RARB: variants seen among roughly 807,000 people sequenced by gnomAD.
RARB encodes the protein HBV-activated protein.
A neutral mutation model predicts 51.9 loss-of-function variants in RARB; 17 were observed. The ratio of observed to expected loss-of-function variants is 0.33; its 90% CI spans 0.22 to 0.49. The LOEUF is 0.49. Ranked by LOEUF, RARB falls within the 20% of genes least tolerant of loss-of-function variation. RARB has a pLI of 0.99. For missense variants in RARB, 369 were observed against 550.8 expected, an observed-to-expected ratio of 0.67 and a Z score of 3.30; for synonymous variants, 215 against 195.4, an observed-to-expected ratio of 1.10 and a Z score of -0.84.
intron 2 of RARB, among the ~76,000 whole-genome samples, chr3:24,930,838 G>T (rs1338909810): frequency 6.6e-6 from 1 of 152,006 alleles, no homozygotes; most frequent in Non-Finnish European, 1.5e-5. Context: ...GTGAGATGGT[G>T]TCTCCCCACA....
At chr3:25,161,837 A>C (rs570427390) in intron 4 of RARB, among the ~76,000 whole-genome samples, 1 of 152,316 alleles carries the variant, frequency 6.6e-6, no homozygotes, top group South Asian at 2.1e-4. Flanking sequence ...GGCCCATGGA[A>C]TGTATGCATG....
intron 2 of RARB, among the ~76,000 whole-genome samples, chr3:25,468,487 G>C (rs1695544155): frequency 6.7e-6 from 1 of 149,858 alleles, no homozygotes; most frequent in African/African-American, 2.5e-5. Context: ...GGTCCGAGTA[G>C]TTAAGGAACG....
At chr3:25,088,186 A>G (rs894224181) in intron 3 of RARB, among the ~76,000 whole-genome samples, 1 of 152,064 alleles carries the variant, frequency 6.6e-6, no homozygotes, top group African/African-American at 2.4e-5. Flanking sequence ...ATGAAGGAAG[A>G]GCTTCATTTG....
intron 5 of RARB, among the ~76,000 whole-genome samples, chr3:25,215,138 A>G (rs1469720313): frequency 1.3e-5 from 2 of 152,190 alleles, no homozygotes; most frequent in African/African-American, 4.8e-5. Context: ...CCTGGGGCCC[A>G]AGTGTCAGTA....
chr3:24,959,452 T>C (rs1390562867), intron 2 of RARB, among the ~76,000 whole-genome samples: 3 of 152,142 alleles, frequency 2.0e-5, no homozygotes, highest in Non-Finnish European at 4.4e-5. Context: ...GCTGCTTCTC[T>C]TCTCCCCTTC....
In RARB at chr3:25,038,183, G is replaced by C. The variant is rs371882388; in HGVS notation, c.-379-21942G>C. On this transcript the variant is annotated intron_variant, in intron 2 of 11. Coordinates refer to the RARB transcript ENST00000383772. ...AGTCATATTACATCTCTGGGCCTCA[G>C]TTTCCCCATTTTTGTGATGAAGGAA... is the stretch of plus-strand genomic sequence containing the variant. 1.4e-4 allele frequency among the ~76,000 whole-genome samples: 22 copies of C among 152,252 alleles called. No homozygotes were observed. The South Asian group carries it at 4.3e-3, about 30-fold the overall frequency.
intron 2 of RARB, among the ~76,000 whole-genome samples, chr3:25,478,055 G>T (rs181993455): frequency 3.3e-4 from 50 of 152,284 alleles, no homozygotes; most frequent in African/African-American, 1.2e-3. Flanking sequence ...CAAAATGGTG[G>T]TCTCAGAGTT....
rs116579805 is a variant in RARB, at chr3:25,415,677, T to C, written c.179-45516T>C. Among the ~76,000 whole-genome samples the C allele has an allele frequency of 4.5e-3, 681 of 152,334 alleles. 7 individuals are homozygous for C. The highest frequency in any genetic ancestry group is 0.016 in the African/African-American group (658 of 41,574). ...TTCTAATAATTAGTCCTAATTTTGT[T>C]TTACTTACAGTGAGGCCATTCTAAT... On this transcript the variant is annotated intron_variant, in intron 5 of 11. Coordinates refer to the RARB transcript ENST00000383772.
chr3:25,393,176 T>C (rs1002328087), intron 5 of RARB, among the ~76,000 whole-genome samples: 2 of 152,186 alleles, frequency 1.3e-5, no homozygotes. Context: ...ATTCTGCTTA[T>C]GTGTTGTATC....
At chr3:25,514,040 TG>T (rs1698037920) in intron 3 of RARB, among the ~76,000 whole-genome samples, 1 of 152,234 alleles carries the variant, frequency 6.6e-6, no homozygotes, top group Non-Finnish European at 1.5e-5. Context: ...GAGAGCCCTT[TG>T]TTTGGAAACA....
intron 2 of RARB, among the ~76,000 whole-genome samples, chr3:24,902,636 C>T (rs148067372): frequency 1.7e-3 from 266 of 152,218 alleles, no homozygotes; most frequent in African/African-American, 6.1e-3. Flanking sequence ...TATCTCCTGA[C>T]ATGTCAAAGA....
intron 2 of RARB, among the ~76,000 whole-genome samples, chr3:24,882,559 T>C (rs1377534037): frequency 3.3e-5 from 5 of 152,232 alleles, no homozygotes; most frequent in African/African-American, 1.2e-4. Flanking sequence ...GTTAATTTTA[T>C]TGTCATCTAT....
At chr3:25,474,496 C>T (rs1393938911) in intron 2 of RARB, among the ~76,000 whole-genome samples, 1 of 152,106 alleles carries the variant, frequency 6.6e-6, no homozygotes, top group African/African-American at 2.4e-5. Context: ...AGTCATCCTG[C>T]TCTGTTAGGT....
At chr3:24,951,533 C>T (rs1448929941) in intron 2 of RARB, among the ~76,000 whole-genome samples, 1 of 152,136 alleles carries the variant, frequency 6.6e-6, no homozygotes, top group East Asian at 1.9e-4. Flanking sequence ...GATTGGTGTT[C>T]CTAGTGACAA....
chr3:25,039,035 A>C (rs1698060007), intron 2 of RARB, among the ~76,000 whole-genome samples: 1 of 152,076 alleles, frequency 6.6e-6, no homozygotes, highest in South Asian at 2.1e-4. Flanking sequence ...GGGAAAGTAA[A>C]CTCTGAAGTT....
intron 5 of RARB, among the ~76,000 whole-genome samples, chr3:25,364,910 T>C (rs957925802): frequency 1.3e-5 from 2 of 152,182 alleles, no homozygotes; most frequent in African/African-American, 4.8e-5. Flanking sequence ...TTAAAATGCA[T>C]CTTAGTTTAT....
chr3:25,188,673 A>G (rs1559497950), intron 5 of RARB, among the ~76,000 whole-genome samples: 1 of 152,132 alleles, frequency 6.6e-6, no homozygotes, highest in African/African-American at 2.4e-5. Context: ...TAAATTATAA[A>G]TGTTGTTATT....
intron 2 of RARB, among the ~76,000 whole-genome samples, chr3:24,866,059 T>G (rs1383009485): frequency 6.6e-6 from 1 of 152,108 alleles, no homozygotes; most frequent in Non-Finnish European, 1.5e-5. Flanking sequence ...CCACAGGGAT[T>G]CTGGATTTTA....
chr3:25,325,985 C>T (rs1009346414), intron 5 of RARB, among the ~76,000 whole-genome samples: 2 of 152,102 alleles, frequency 1.3e-5, no homozygotes, highest in African/African-American at 2.4e-5. Flanking sequence ...ACTGTACATC[C>T]CCTATCATCA....
Sources: gnomAD v4.1 joint callset for allele counts (sites outside exome capture counted in the v4.1 genomes callset) on GRCh38, gnomAD v4.1.1 for gene constraint, MANE v1.5 for transcripts, NCBI Gene and HGNC (gene_info 2026-07-23, HGNC 2026-07-21) for gene names.